The following GCNT2 variants were observed in gnomAD, a reference collection of about 807,000 sequenced individuals.
GCNT2 encodes the protein N-acetyllactosaminide beta-1,6-N-acetylglucosaminyl-transferase.
Under a neutral mutation model 34.2 loss-of-function variants are expected in GCNT2, and 34 were observed. The observed-to-expected ratio is 1.00, with a 90% CI of 0.76 to 1.32. GCNT2 has a LOEUF of 1.32. GCNT2 is among the 40% of genes most tolerant of loss of function. The probability of loss-of-function intolerance (pLI) is 0.00; values close to 1 mark genes in which losing one functional copy is unlikely to be tolerated. For synonymous variants in GCNT2, 212 were observed against 188.0 expected (o/e 1.13, Z -1.04); for missense variants, 584 against 489.4 (o/e 1.19, Z -1.82).
intron 1 of GCNT2, among the ~76,000 whole-genome samples, chr6:10,522,109 A>G (rs991241316): frequency 6.6e-6 from 1 of 151,974 alleles, no homozygotes; most frequent in Admixed American, 6.6e-5. Flanking sequence ...GCTGGTCTCA[A>G]ACTCCTGACT....
intron 3 of GCNT2, among the ~76,000 whole-genome samples, chr6:10,533,966 G>A (rs1409311567): frequency 6.6e-6 from 1 of 151,558 alleles, no homozygotes; most frequent in Non-Finnish European, 1.5e-5. Flanking sequence ...GCACCGAGAC[G>A]TTGGCCGTCC....
rs150277227 is a variant in GCNT2, at chr6:10,567,694, C to G, written c.925+37858C>G. ...ATCTCTTCTTACTTCTAATCCAGTC[C>G]TCTGTCTCCTGTCCACAATGCAATG... On this transcript the variant is annotated intron_variant, in intron 3 of 4. Transcript: ENST00000495262. 1.4e-4 allele frequency among the ~76,000 whole-genome samples: 21 copies of G among 152,270 alleles called. No individual in the cohort carries two copies. The East Asian group carries it at 4.1e-3, about 29-fold the overall frequency.
intron 3 of GCNT2, chr6:10,619,434 C>G (rs925255053): frequency 3.9e-5 from 6 of 152,312 alleles, no homozygotes; most frequent in Non-Finnish European, 7.3e-5. Flanking sequence ...ACTGCAGTCT[C>G]AAACTCCTGG....
intron 4 of GCNT2, among the ~76,000 whole-genome samples, chr6:10,625,132 T>A (rs191413261): frequency 3.3e-5 from 5 of 152,308 alleles, no homozygotes; most frequent in African/African-American, 9.6e-5. Context: ...ATCACCATGT[T>A]CTATCTGTCC....
At chr6:10,523,613 T>G (rs984110405) in intron 1 of GCNT2, among the ~76,000 whole-genome samples, 2 of 152,024 alleles carry the variant, frequency 1.3e-5, no homozygotes, top group African/African-American at 4.8e-5. Flanking sequence ...GCTGAGCACG[T>G]TAGGTGCCCT....
intron 3 of GCNT2, among the ~76,000 whole-genome samples, chr6:10,605,770 GA>G (rs1313089409): frequency 6.6e-6 from 1 of 150,840 alleles, no homozygotes; most frequent in African/African-American, 2.4e-5. Flanking sequence ...CTTTGTAAAA[GA>G]AAAAAAAATC....
At chr6:10,522,213 GCTGTGAGGTATGAACATTC>G (rs1463667535) in intron 1 of GCNT2, among the ~76,000 whole-genome samples, 4 of 151,428 alleles carry the variant, frequency 2.6e-5, no homozygotes, top group Admixed American at 6.6e-5. Flanking sequence ...TTAATTAGTT[GCTGTGAGGTATGAACATTC>G]CTGTGAGGTA....
At chr6:10,585,909 G>T in intron 3 of GCNT2, 1 of 1,594,432 alleles carries the variant, frequency 6.3e-7, no homozygotes. Flanking sequence ...AGACTGGCAA[G>T]AGAAGCAAAT....
chr6:10,563,505 G>C (rs993508866), intron 3 of GCNT2, among the ~76,000 whole-genome samples: 18 of 151,984 alleles, frequency 1.2e-4, no homozygotes, highest in African/African-American at 4.3e-4. Context: ...AGTTTGGGAG[G>C]CTGAGGCCTG....
intron 3 of GCNT2, among the ~76,000 whole-genome samples, chr6:10,610,322 A>G (rs1381274746): frequency 6.6e-6 from 1 of 152,210 alleles, no homozygotes; most frequent in Non-Finnish European, 1.5e-5. Context: ...AGTGGAGCAA[A>G]GAAGGGAACA....
intron 1 of GCNT2, among the ~76,000 whole-genome samples, chr6:10,522,958 C>T (rs183869966): frequency 3.3e-5 from 5 of 152,330 alleles, no homozygotes; most frequent in Admixed American, 1.3e-4. Flanking sequence ...CCAGCTCTGG[C>T]TTCTCCCGGA....
chr6:10,538,437 A>AAAATATATATATATAT (rs1554127249), intron 3 of GCNT2, among the ~76,000 whole-genome samples: 3 of 73,342 alleles, frequency 4.1e-5, no homozygotes, highest in African/African-American at 3.6e-4. Flanking sequence ...AAAAAAAAAA[A>AAAATATATATATATAT]ATATATATAT....
intron 3 of GCNT2, chr6:10,585,982 T>C: frequency 6.2e-7 from 1 of 1,613,686 alleles, no homozygotes; most frequent in Non-Finnish European, 8.5e-7. Flanking sequence ...CCCAGGGAAG[T>C]GAAAATAATG....
chr6:10,529,401 A>T lies in GCNT2; in HGVS notation c.490A>T (p.Ile164Phe). Residue 164 changes from isoleucine (I) to phenylalanine (F), a missense_variant, in exon 3 of 5, where the codon ATC becomes TTC. By Grantham distance (21) the Ile-to-Phe change is conservative. Coordinates refer to ENST00000495262, the MANE Select transcript of GCNT2 (RefSeq NM_145649.5). ...GAAGGAGTCGGTTGTCTATGGGGGG[A>T]TCTCCAGGCTCCAGGCTGACCTGAA... The part of the protein sequence containing the change: ...SKKESVVYGG[I>F]SRLQADLNCL... 1 of 1,613,916 alleles carries T rather than the reference A, an allele frequency of 6.2e-7. No homozygotes were observed. Among genetic ancestry groups the T allele is most frequent in the Middle Eastern group, 1.6e-4 (1 of 6,062 alleles).
intron 3 of GCNT2, among the ~76,000 whole-genome samples, chr6:10,535,950 A>C (rs1761732044): frequency 6.6e-6 from 1 of 152,132 alleles, no homozygotes; most frequent in Non-Finnish European, 1.5e-5. Flanking sequence ...CTGAACCCTA[A>C]ATGTGGGTGG....
At chr6:10,544,941 GT>G (rs55910069) in intron 3 of GCNT2, among the ~76,000 whole-genome samples, 2,417 of 137,150 alleles carry the variant, frequency 0.018, 26 homozygotes, top group African/African-American at 0.033. Context: ...CAAAAACTCT[GT>G]CTCAAATAAA....
At chr6:10,560,765 C>T (rs1187308291) in intron 3 of GCNT2, among the ~76,000 whole-genome samples, 1 of 151,964 alleles carries the variant, frequency 6.6e-6, no homozygotes, top group Non-Finnish European at 1.5e-5. Context: ...TGCCTTTCTA[C>T]TGAGAGTGAC....
In GCNT2 at chr6:10,549,561, C is replaced by CTTTT. The variant is rs1425642393; in HGVS notation, c.925+19726_925+19727insTTTT. 1.2e-3 allele frequency among the ~76,000 whole-genome samples: 135 copies of CTTTT among 111,302 alleles called. 3 individuals carry two copies. The highest frequency in any genetic ancestry group is 4.8e-3 in the African/African-American group (114 of 23,668). The allele number at this position is 111,302 out of a possible 152,430, so 73.0% of individuals were successfully genotyped here. ...ACTTCCTTTCTCTCTCAATCTCTCT[C>CTTTT]TCTTTTTTTTTTTTTTTTTTTTTTT... On this transcript the variant is annotated intron_variant, in intron 3 of 4. Coordinates refer to ENST00000495262, the MANE Select transcript of GCNT2 (RefSeq NM_145649.5).
Position 10,534,078 on chromosome 6 carries a change from C to T in GCNT2, c.925+4242C>T, listed in dbSNP as rs1351342239. ...CAGCACTTCCCCTGGTTTATGGGCT[C>T]CTCCACCCTGTGGGTTCTACTTCCT... On this transcript the variant is annotated intron_variant, in intron 3 of 4. Transcript: ENST00000495262. Among the ~76,000 whole-genome samples, 3 of 150,942 alleles carry T rather than the reference C, an allele frequency of 2.0e-5. No homozygotes were observed. In the East Asian group the frequency reaches 5.9e-4, roughly 29 times the overall value.
Sources: gnomAD v4.1 joint callset for allele counts (sites outside exome capture counted in the v4.1 genomes callset) on GRCh38, gnomAD v4.1.1 for gene constraint, MANE v1.5 for transcripts, NCBI Gene and HGNC (gene_info 2026-07-23, HGNC 2026-07-21) for gene names.